OTOG: variants seen among roughly 807,000 people sequenced by gnomAD.
OTOG encodes otogelin.
OTOG carries 296 observed loss-of-function variants against 313.8 expected under a neutral mutation model. The ratio of observed to expected loss-of-function variants is 0.94; its 90% CI spans 0.86 to 1.04. OTOG has a LOEUF of 1.04. OTOG is among the 50% of genes least tolerant of loss of function. The probability of loss-of-function intolerance (pLI) is 0.00; values close to 1 mark genes in which losing one functional copy is unlikely to be tolerated. For synonymous variants in OTOG, 1,533 were observed against 1,554.9 expected (o/e 0.99, Z 0.33); for missense variants, 3,948 against 3,840.1 (o/e 1.03, Z -0.74).
Position 17,610,982 on chromosome 11 carries a change from G to A in OTOG, c.5682G>A (p.Thr1894=), listed in dbSNP as rs1443253287. The A allele has an allele frequency of 7.7e-6, 12 of 1,550,394 alleles. No individual in the cohort carries two copies. In the East Asian group the frequency reaches 1.2e-4, roughly 16 times the overall value. The change falls in exon 36 of 56, where the codon ACG becomes ACA. Residue 1894 remains threonine, a synonymous_variant. Coordinates refer to ENST00000399397, the MANE Select transcript of OTOG (RefSeq NM_001292063.2). Reference sequence around the variant, plus strand: ...GAGTCCTGCCTGTGGCTGAGGGCACGGCCTCCATGGTATCTGTTGTCCCAC... The same window carrying A: ...GAGTCCTGCCTGTGGCTGAGGGCACAGCCTCCATGGTATCTGTTGTCCCAC... The part of the protein sequence containing the change: ...TSGVLPVAEG[T]ASMVSVVPRK...
chr11:17,635,547 G>T, intron 46 of OTOG, 63 bp from the exon 47 acceptor site: 2 of 1,340,098 alleles, frequency 1.5e-6, no homozygotes, highest in Non-Finnish European at 1.0e-6. Context: ...CCCCAGCAAC[G>T]TGCTGTGTGC....
At chr11:17,602,144 G>T (rs777768458) in intron 31 of OTOG, 66 bp from the exon 32 acceptor site, 869 of 1,521,114 alleles carry the variant, frequency 5.7e-4, no homozygotes, top group Non-Finnish European at 7.5e-4. Flanking sequence ...CCAAGGGGTG[G>T]GGCAGGAGGT....
chr11:17,560,692 C>G lies in OTOG; in HGVS notation c.1343-17C>G, dbSNP rs1310476602. 9.1e-6 allele frequency: 14 copies of G among 1,544,100 alleles called. No homozygotes were observed. The highest frequency in any genetic ancestry group is 1.1e-5 in the Non-Finnish European group (12 of 1,141,298). On this transcript the variant is annotated splice_polypyrimidine_tract_variant and intron_variant, in intron 12 of 55. Coordinates refer to ENST00000399397, the MANE Select transcript of OTOG (RefSeq NM_001292063.2). Reference sequence around the variant, plus strand: ...AGGGGCAAAGGTGAGTTAATTGGCCCTTTGCTGTCACTCTAGGGCTCATCT... The same window carrying G: ...AGGGGCAAAGGTGAGTTAATTGGCCGTTTGCTGTCACTCTAGGGCTCATCT...
At position 17,557,330 on chromosome 11, in the gene OTOG, G is replaced by A; in HGVS notation, c.865+7G>A. On this transcript the variant is annotated splice_region_variant and intron_variant, in intron 8 of 55. Coordinates refer to ENST00000399397, the MANE Select transcript of OTOG (RefSeq NM_001292063.2). ...GATCTGGTGACCAGCTCTGGTGAGG[G>A]TCAGACAGGTGGCCTCTGAGGGGTG... The A allele has an allele frequency of 6.5e-7, 1 of 1,549,810 alleles. No individual in the cohort carries two copies.
chr11:17,627,819 G>A (rs1854023450), intron 39 of OTOG, among the ~76,000 whole-genome samples: 2 of 152,094 alleles, frequency 1.3e-5, no homozygotes, highest in East Asian at 1.9e-4. Context: ...GGTTGTATGT[G>A]TCTAGGAATT....
Position 17,602,193 on chromosome 11 carries a change from G to A in OTOG, c.3710-17G>A. ...AGGCCATGGGGCCAGGTTGCTGATG[G>A]GGCCTCTTCTCTCCAGTGCTAGGTA... is the stretch of plus-strand genomic sequence containing the variant. On this transcript the variant is annotated splice_polypyrimidine_tract_variant and intron_variant, in intron 31 of 55. Coordinates refer to ENST00000399397, the MANE Select transcript of OTOG (RefSeq NM_001292063.2). 10 of 1,549,086 alleles carry A rather than the reference G, an allele frequency of 6.5e-6. No individual in the cohort carries two copies. The highest frequency in any genetic ancestry group is 7.8e-6 in the Non-Finnish European group (9 of 1,146,750).
chr11:17,622,693 T>C (rs1285958579), intron 39 of OTOG, among the ~76,000 whole-genome samples: 2 of 152,244 alleles, frequency 1.3e-5, no homozygotes, highest in East Asian at 1.9e-4. Context: ...TCTCATATTA[T>C]TGTGGCTGAA....
chr11:17,563,324 C>T (rs1852230239), intron 15 of OTOG, among the ~76,000 whole-genome samples: 1 of 152,246 alleles, frequency 6.6e-6, no homozygotes, highest in Admixed American at 6.5e-5. Context: ...AGTCCTGCCT[C>T]CCTGCTGGCC....
chr11:17,586,449 C>T (rs902421642), intron 23 of OTOG, 25 bp from the exon 24 acceptor site: 6 of 1,327,166 alleles, frequency 4.5e-6, no homozygotes, highest in Non-Finnish European at 3.9e-6. Context: ...GCTCTCCTGA[C>T]CGCCTGCTTG....
chr11:17,572,225 G>T, intron 18 of OTOG, 21 bp downstream of exon 18: 2 of 1,550,102 alleles, frequency 1.3e-6, no homozygotes, highest in Non-Finnish European at 1.7e-6. Context: ...GGGGGAAGAG[G>T]AGAGGCATGG....
chr11:17,596,248 C>T lies in OTOG; in HGVS notation c.3525+94C>T, dbSNP rs868607631. 73 of 901,194 alleles carry T rather than the reference C, an allele frequency of 8.1e-5. No homozygotes were observed. In the African/African-American group the frequency reaches 1.1e-3, roughly 13 times the overall value. 55.8% of individuals were successfully genotyped at this position (901,194 alleles called of 1,614,324 possible). On this transcript the variant is annotated intron_variant, in intron 29 of 55. Coordinates refer to ENST00000399397, the MANE Select transcript of OTOG (RefSeq NM_001292063.2). ...AGACTCCCCCATGTCTCAGAGGAGA[C>T]AGCTCAGATCTCCAGGGAAGATCTG... is the stretch of plus-strand genomic sequence containing the variant.
At chr11:17,587,815 G>A (rs1352107776) in intron 24 of OTOG, among the ~76,000 whole-genome samples, 1 of 152,128 alleles carries the variant, frequency 6.6e-6, no homozygotes, top group Non-Finnish European at 1.5e-5. Flanking sequence ...ACTGTGGTGA[G>A]CCAGAGCTCA....
intron 24 of OTOG, among the ~76,000 whole-genome samples, chr11:17,586,802 A>G (rs147836969): frequency 6.0e-4 from 92 of 152,362 alleles, no homozygotes; most frequent in African/African-American, 2.1e-3. Context: ...TCAGTCATGT[A>G]TATGAATGTG....
At chr11:17,631,611 A>G in intron 40 of OTOG, 91 bp from the exon 41 acceptor site, 2 of 1,100,276 alleles carry the variant, frequency 1.8e-6, no homozygotes, top group Non-Finnish European at 2.6e-6. Context: ...TATTGACCTC[A>G]AAGAACTGTG....
At chr11:17,641,817 G>C (rs1000707525) in intron 51 of OTOG, 30 bp from the exon 52 acceptor site, 17 of 1,507,952 alleles carry the variant, frequency 1.1e-5, no homozygotes, top group Non-Finnish European at 1.4e-5. Flanking sequence ...GTGGGCATCT[G>C]GCTGAGGCCC....
intron 48 of OTOG, among the ~76,000 whole-genome samples, chr11:17,639,173 C>G (rs1847916065): frequency 6.6e-6 from 1 of 152,202 alleles, no homozygotes; most frequent in Admixed American, 6.5e-5. Context: ...TGCTCCATAC[C>G]CAGTGGAGAG....
Position 17,611,079 on chromosome 11 carries a change from G to A in OTOG, c.5779G>A (p.Ala1927Thr), listed in dbSNP as rs1380097254. The stretch of plus-strand genomic sequence containing the variant: ...TCTGCCCACTTCCATGTATGGTTCT[G>A]CAGAGGGTGGGCCCACAGAGCTCAC... ...VSLPTSMYGSAEGGPTELTPA... is the reference protein window; with the variant it reads ...VSLPTSMYGSTEGGPTELTPA... Residue 1927 changes from alanine (A) to threonine (T), a missense_variant, in exon 36 of 56, where the codon GCA becomes ACA. Ala to Thr is a moderately conservative substitution (Grantham distance 58, BLOSUM62 0). Transcript: ENST00000399397. 7 of 1,550,572 alleles carry A rather than the reference G, an allele frequency of 4.5e-6. No individual in the cohort carries two copies. Among genetic ancestry groups the A allele is most frequent in the Non-Finnish European group, 6.1e-6 (7 of 1,146,968 alleles).
At chr11:17,582,022 C>T (rs947061845) in intron 23 of OTOG, among the ~76,000 whole-genome samples, 6 of 152,022 alleles carry the variant, frequency 3.9e-5, no homozygotes, top group Admixed American at 1.3e-4. Context: ...TTTTCTATCC[C>T]GGTAGTATTC....
intron 30 of OTOG, among the ~76,000 whole-genome samples, chr11:17,597,764 C>T (rs966130207): frequency 4.6e-5 from 7 of 152,200 alleles, no homozygotes; most frequent in Admixed American, 1.3e-4. Flanking sequence ...GGATTTTCCT[C>T]GTGCAAGCAC....
Sources: gnomAD v4.1 joint callset for allele counts (sites outside exome capture counted in the v4.1 genomes callset) on GRCh38, gnomAD v4.1.1 for gene constraint, MANE v1.5 for transcripts, NCBI Gene and HGNC (gene_info 2026-07-23, HGNC 2026-07-21) for gene names.